Variants in PAXBP1 observed in about 807,000 individuals in gnomAD.
PAXBP1 encodes the protein PAX3- and PAX7-binding protein 1.
A neutral mutation model predicts 119.9 loss-of-function variants in PAXBP1; 44 were observed. The observed-to-expected ratio is 0.37, with a 90% CI of 0.29 to 0.47. The LOEUF (loss-of-function observed/expected upper bound fraction) is 0.47. Ranked by LOEUF, PAXBP1 falls within the 20% of genes least tolerant of loss-of-function variation. PAXBP1 has a pLI of 0.99. For missense variants in PAXBP1, 898 were observed against 1,134.1 expected (o/e 0.79, Z 2.99); for synonymous variants, 393 against 406.6 (o/e 0.97, Z 0.40).
At chr21:32,758,336 G>T (rs1183161359) in intron 7 of PAXBP1, among the ~76,000 whole-genome samples, 2 of 148,954 alleles carry the variant, frequency 1.3e-5, no homozygotes, top group Non-Finnish European at 1.5e-5. Flanking sequence ...TTTTTTTAAA[G>T]ATAAGGCTGC....
rs188450710 is a variant in PAXBP1 at position 32,749,204 on chromosome 21, T to C, written c.1724-506A>G. Among the ~76,000 whole-genome samples the C allele has an allele frequency of 2.6e-5, 4 of 152,212 alleles. No homozygotes were observed. The East Asian group carries it at 7.7e-4, about 29-fold the overall frequency. ...AGTTATTTGCGAATAAGATTTTTTT[T>C]TTTTTTTTGAGACAGATTCTCACTC... On this transcript the variant is annotated intron_variant, in intron 10 of 17. Coordinates refer to ENST00000331923, the MANE Select transcript of PAXBP1 (RefSeq NM_016631.4).
In PAXBP1 at chr21:32,771,607, C is replaced by A; in HGVS notation, c.62G>T (p.Arg21Leu). 1 of 1,468,118 alleles carries A rather than the reference C, an allele frequency of 6.8e-7. No homozygotes were observed. Among genetic ancestry groups the A allele is most frequent in the Non-Finnish European group, 9.0e-7 (1 of 1,115,246 alleles). The allele number at this position is 1,468,118 out of a possible 1,614,324, so 90.9% of individuals were successfully genotyped here. A position where few individuals can be genotyped will look rare whatever the true frequency, so the allele number is the denominator to read the frequency against. ...RKRNDSEEEE[R>L]ERDEEQEPPP... ...CGGCTCCTGCTCCTCATCGCGTTCCCGCTCTTCCTCTTCGGAGTCGTTCCG... is the reference window on the plus strand; with the variant it reads ...CGGCTCCTGCTCCTCATCGCGTTCCAGCTCTTCCTCTTCGGAGTCGTTCCG... The change falls in exon 1 of 18, where the codon CGG (arginine) becomes CTG (leucine). Residue 21 changes from arginine to leucine, a missense_variant. Physicochemically the swap from Arg to Leu is moderately radical, Grantham distance 102. Coordinates refer to ENST00000331923, the MANE Select transcript of PAXBP1 (RefSeq NM_016631.4).
At position 32,750,788 on chromosome 21, in the gene PAXBP1, C is replaced by T. The variant is rs911431342; in HGVS notation, c.1723+129G>A. On this transcript the variant is annotated intron_variant, in intron 10 of 17. Coordinates refer to ENST00000331923, the MANE Select transcript of PAXBP1 (RefSeq NM_016631.4). ...CACTAATAAAAAGGCATGCAAATTTCTGCAATTAAAAAAGAAGTGTCTGGT... is the reference window on the plus strand; with the variant it reads ...CACTAATAAAAAGGCATGCAAATTTTTGCAATTAAAAAAGAAGTGTCTGGT... The T allele has an allele frequency of 1.8e-5, 12 of 659,624 alleles. No homozygotes were observed. The East Asian group carries it at 3.3e-4, about 18-fold the overall frequency. The allele number at this position is 659,624 out of a possible 1,614,324, so 40.9% of individuals were successfully genotyped here.
intron 15 of PAXBP1, among the ~76,000 whole-genome samples, chr21:32,738,759 C>T (rs965098079): frequency 4.6e-5 from 7 of 152,116 alleles, no homozygotes; most frequent in African/African-American, 1.7e-4. Flanking sequence ...CAAGTTATAT[C>T]ACTTATGCAT....
At chr21:32,739,296 T>G (rs2043738678) in intron 15 of PAXBP1, among the ~76,000 whole-genome samples, 1 of 151,768 alleles carries the variant, frequency 6.6e-6, no homozygotes, top group Non-Finnish European at 1.5e-5. Context: ...AGCTCAAGAG[T>G]CAGACTGGCT....
At chr21:32,761,949 T>C (rs1197524658) in intron 4 of PAXBP1, 147 bp downstream of exon 4, 1 of 756,212 alleles carries the variant, frequency 1.3e-6, no homozygotes, top group African/African-American at 1.8e-5. Context: ...GAGACAAGGG[T>C]GACTGTTTGA....
Position 32,754,655 on chromosome 21 carries a change from T to C in PAXBP1, c.1507+575A>G, listed in dbSNP as rs372080985. ...AATTTCAAGAATTGTAAGCACCAAC[T>C]GACTTACTAAAAAACACAGTACATA... On this transcript the variant is annotated intron_variant, in intron 8 of 17. Coordinates refer to ENST00000331923, the MANE Select transcript of PAXBP1 (RefSeq NM_016631.4). 2.0e-5 allele frequency among the ~76,000 whole-genome samples: 3 copies of C among 152,206 alleles called. No homozygotes were observed. In the East Asian group the frequency reaches 5.8e-4, roughly 29 times the overall value.
intron 16 of PAXBP1, 52 bp downstream of exon 16, chr21:32,738,117 AACTT>A: frequency 1.4e-6 from 2 of 1,451,630 alleles, no homozygotes; most frequent in South Asian, 1.4e-5. Context: ...AACAAACAAA[AACTT>A]AATTCATTTT....
At chr21:32,743,602 G>C in intron 14 of PAXBP1, 76 bp downstream of exon 14, 1 of 1,147,574 alleles carries the variant, frequency 8.7e-7, no homozygotes, top group East Asian at 2.4e-5. Context: ...TTTCAAGCTA[G>C]TTTTTCAGAA....
intron 2 of PAXBP1, among the ~76,000 whole-genome samples, chr21:32,767,725 C>T (rs1333790209): frequency 6.6e-6 from 1 of 152,146 alleles, no homozygotes; most frequent in East Asian, 1.9e-4. Flanking sequence ...TGCCTTTCAC[C>T]TCCTGCCATG....
rs2043817075 is a variant in PAXBP1 at position 32,743,304 on chromosome 21, T to C, written c.2278A>G (p.Asn760Asp). The C allele has an allele frequency of 1.9e-6, 3 of 1,567,864 alleles. No individual in the cohort carries two copies. The highest frequency in any genetic ancestry group is 2.6e-6 in the Non-Finnish European group (3 of 1,164,914). Residue 760 changes from asparagine (N) to aspartate (D), a missense_variant, in exon 15 of 18, where the codon AAT (asparagine) becomes GAT (aspartate). Asn to Asp is a conservative substitution (Grantham distance 23). Transcript: ENST00000331923. ...AACAAGTAAGGCCCAGAATTTTTAT[T>C]TTCTAAGACACTAAGTAAAAAAAAG... ...MPLYPKNVLE[N>D]KNSGPYLFFQ...
intron 10 of PAXBP1, 107 bp from the exon 11 acceptor site, chr21:32,748,805 GC>G (rs1330787313): frequency 4.3e-6 from 4 of 940,480 alleles, no homozygotes; most frequent in Non-Finnish European, 6.2e-6. Context: ...CAGAAGATAC[GC>G]TCATTAACAA....
rs770293170 is a variant in PAXBP1, at chr21:32,764,398, G to C, written c.599C>G (p.Thr200Ser). ...TAAAGCATTTGAAAAAGCTCCACCA[G>C]TCTTTGGCTTTTCTTCCTCTTTTTC... Reference protein sequence around the residue: ...ESEKEEEKPKTGGAFSNALSS... With the variant: ...ESEKEEEKPKSGGAFSNALSS... Residue 200 changes from threonine to serine, a missense_variant, in exon 3 of 18, where the codon ACT (threonine) becomes AGT (serine). Transcript: ENST00000331923. 1.2e-6 allele frequency: 2 copies of C among 1,613,736 alleles called. No individual in the cohort carries two copies. The highest frequency in any genetic ancestry group is 1.7e-6 in the Non-Finnish European group (2 of 1,179,854).
At position 32,748,679 on chromosome 21, in the gene PAXBP1, G is replaced by T; in HGVS notation, c.1743C>A (p.Ser581=). The T allele has an allele frequency of 6.2e-7, 1 of 1,610,186 alleles. No homozygotes were observed. Among genetic ancestry groups the T allele is most frequent in the Non-Finnish European group, 8.5e-7 (1 of 1,177,906 alleles). The change falls in exon 11 of 18, where the codon TCC becomes TCA. Residue 581 remains serine (S), a synonymous_variant. Transcript: ENST00000331923. Reference sequence around the variant, plus strand: ...CAAGGACATCTTCAAAAACTTTGCCGGATTCTTTTGAAATTCGATCTAAAA... The same window carrying T: ...CAAGGACATCTTCAAAAACTTTGCCTGATTCTTTTGAAATTCGATCTAAAA... ...NLEKDRISKE[S]GKVFEDVLES... is the part of the protein sequence containing the mutation.
intron 7 of PAXBP1, among the ~76,000 whole-genome samples, chr21:32,757,920 T>C (rs918516329): frequency 6.6e-6 from 1 of 152,196 alleles, no homozygotes; most frequent in Admixed American, 6.5e-5. Flanking sequence ...AAGCCTATAC[T>C]TCTTCCCCAC....
chr21:32,771,102 C>G (rs2044333543), intron 1 of PAXBP1, among the ~76,000 whole-genome samples: 1 of 152,244 alleles, frequency 6.6e-6, no homozygotes, highest in Non-Finnish European at 1.5e-5. Flanking sequence ...TGAGCTCCGG[C>G]CCCGTGGCAG....
rs115697348 is a variant in PAXBP1, at chr21:32,745,825, C to G, written c.1924-107G>C. ...GGATTTAACCTTTGGTTGCAAACAA[C>G]TAAAAACTGGACGGCTGGAGATATC... On this transcript the variant is annotated intron_variant, in intron 11 of 17. Coordinates refer to ENST00000331923, the MANE Select transcript of PAXBP1 (RefSeq NM_016631.4). 3,673 of 1,387,534 alleles carry G rather than the reference C, an allele frequency of 2.6e-3. 57 individuals are homozygous for G. In the African/African-American group the frequency reaches 0.039, roughly 15 times the overall value. 86.0% of individuals were successfully genotyped at this position (1,387,534 alleles called of 1,614,324 possible).
chr21:32,735,666 C>T (rs1396632076), intron 17 of PAXBP1, among the ~76,000 whole-genome samples: 1 of 152,196 alleles, frequency 6.6e-6, no homozygotes, highest in Non-Finnish European at 1.5e-5. Flanking sequence ...TCCCTGGCCC[C>T]ACCCCAAGAG....
chr21:32,735,074 G>A lies in PAXBP1; in HGVS notation c.2637-7C>T. 1 of 1,591,366 alleles carries A rather than the reference G, an allele frequency of 6.3e-7. No individual in the cohort carries two copies. The highest frequency in any genetic ancestry group is 8.6e-7 in the Non-Finnish European group (1 of 1,163,300). On this transcript the variant is annotated splice_polypyrimidine_tract_variant and splice_region_variant and intron_variant, in intron 17 of 17. Coordinates refer to ENST00000331923, the MANE Select transcript of PAXBP1 (RefSeq NM_016631.4). ...TATCTGTTTTATGTTTTCCCTAAAA[G>A]AAAAAAATATAGCAGCATCTCATTA...
Sources: allele counts gnomAD v4.1 joint callset (sites outside exome capture counted in the v4.1 genomes callset), GRCh38; gene constraint gnomAD v4.1.1; transcripts MANE v1.5; gene names NCBI Gene and HGNC (gene_info 2026-07-23, HGNC 2026-07-21).